PNPLA5: variants seen among roughly 807,000 people sequenced by gnomAD.
PNPLA5 encodes the protein patatin-like phospholipase domain-containing protein 5.
A neutral mutation model predicts 49.1 loss-of-function variants in PNPLA5; 44 were observed. The observed-to-expected ratio is 0.90, with a 90% CI of 0.70 to 1.15. PNPLA5 has a LOEUF of 1.15. Ranked by LOEUF, PNPLA5 falls within the 50% of genes most tolerant of loss-of-function variation. The pLI is 0.00. For missense variants in PNPLA5, 603 were observed against 564.0 expected, an observed-to-expected ratio of 1.07 and a Z score of -0.70; for synonymous variants, 243 against 244.4, an observed-to-expected ratio of 0.99 and a Z score of 0.06.
At chr22:43,887,275 C>A (rs2049674871) in intron 5 of PNPLA5, among the ~76,000 whole-genome samples, 2 of 152,268 alleles carry the variant, frequency 1.3e-5, no homozygotes, top group South Asian at 4.1e-4. Flanking sequence ...CTTGCCTACC[C>A]CCAACCCCCA....
At chr22:43,889,235 C>G (rs747314922) in intron 4 of PNPLA5, 94 bp downstream of exon 4, 4 of 1,407,024 alleles carry the variant, frequency 2.8e-6, no homozygotes, top group East Asian at 2.3e-5. Context: ...CCTTCAGGCT[C>G]GGGGGGCAGT....
chr22:43,883,341 T>C (rs1211280332), intron 7 of PNPLA5, among the ~76,000 whole-genome samples: 1 of 152,238 alleles, frequency 6.6e-6, no homozygotes, highest in Non-Finnish European at 1.5e-5. Context: ...GGCCAGGAGC[T>C]GGGTCTGCGT....
intron 6 of PNPLA5, among the ~76,000 whole-genome samples, chr22:43,885,397 G>C (rs1157174260): frequency 1.3e-5 from 1 of 78,266 alleles, no homozygotes; most frequent in African/African-American, 5.1e-5. Flanking sequence ...TTCCCACCCA[G>C]CTGGGTCCAC....
At chr22:43,886,145 G>A (rs2049661573) in intron 6 of PNPLA5, among the ~76,000 whole-genome samples, 158 bp downstream of exon 6, 1 of 152,192 alleles carries the variant, frequency 6.6e-6, no homozygotes, top group African/African-American at 2.4e-5. Flanking sequence ...GATGCCACAT[G>A]TGAAAAGCCC....
Position 43,891,045 on chromosome 22 carries a change from C to A in PNPLA5, c.426+17G>T. 1 of 1,597,266 alleles carries A rather than the reference C, an allele frequency of 6.3e-7. No individual in the cohort carries two copies. The highest frequency in any genetic ancestry group is 8.5e-7 in the Non-Finnish European group (1 of 1,173,648). Reference sequence around the variant, plus strand: ...GCCCGCCCACCAGCCAAGCCCTGGGCACCCCCCGCCCCACACCTGGATGAG... The same window carrying A: ...GCCCGCCCACCAGCCAAGCCCTGGGAACCCCCCGCCCCACACCTGGATGAG... On this transcript the variant is annotated intron_variant, in intron 2 of 8. Transcript: ENST00000216177.
intron 6 of PNPLA5, among the ~76,000 whole-genome samples, chr22:43,885,863 C>T (rs1462501211): frequency 6.6e-6 from 1 of 152,204 alleles, no homozygotes; most frequent in African/African-American, 2.4e-5. Flanking sequence ...GTACTATCCT[C>T]AGATGGTTGT....
intron 2 of PNPLA5, among the ~76,000 whole-genome samples, chr22:43,890,799 A>G (rs563521706): frequency 7.9e-5 from 12 of 152,292 alleles, no homozygotes; most frequent in African/African-American, 2.9e-4. Flanking sequence ...CTCTGGAAAG[A>G]GCAGTCCCTG....
chr22:43,890,163 T>A, intron 2 of PNPLA5: 1 of 769,662 alleles, frequency 1.3e-6, no homozygotes, highest in Non-Finnish European at 1.6e-6. Flanking sequence ...CTTGCCTGTG[T>A]AGCAGTTGGG....
At chr22:43,881,313 G>T (rs952569138) in intron 8 of PNPLA5, among the ~76,000 whole-genome samples, 7 of 152,226 alleles carry the variant, frequency 4.6e-5, no homozygotes, top group African/African-American at 1.7e-4. Flanking sequence ...GGGTGGCCCA[G>T]TGACTGCACC....
At chr22:43,890,950 C>G (rs2049716069) in intron 2 of PNPLA5, 112 bp downstream of exon 2, 1 of 1,371,938 alleles carries the variant, frequency 7.3e-7, no homozygotes, top group African/African-American at 1.4e-5. Context: ...GTCCACCCGC[C>G]CTCCCTCCTT....
chr22:43,891,102 A>G lies in PNPLA5; in HGVS notation c.386T>C (p.Phe129Ser), dbSNP rs1300297022. The change falls in exon 2 of 9, where the codon TTC becomes TCC. Residue 129 changes from phenylalanine (F) to serine (S), a missense_variant. Transcript: ENST00000216177. ...GCAGGTGGCGAAGTCAGTGACCAAG[A>G]AGTTGCGTCCGTCAGGCCAGCGGGT... ...SLTRWPDGRN[F>S]LVTDFATCDE... The G allele has an allele frequency of 4.3e-6, 7 of 1,610,694 alleles. No individual in the cohort carries two copies. The highest frequency in any genetic ancestry group is 1.3e-5 in the African/African-American group (1 of 74,890).
At position 43,887,577 on chromosome 22, in the gene PNPLA5, G is replaced by A. The variant is rs1164608079; in HGVS notation, c.763+14C>T. On this transcript the variant is annotated intron_variant, in intron 5 of 8. Coordinates refer to ENST00000216177, the MANE Select transcript of PNPLA5 (RefSeq NM_138814.4). ...TGGGACATGATCCCCAGCCACTGTG[G>A]GACTGCCACCTACCACGTCTCTCCA... 2 of 1,609,358 alleles carry A rather than the reference G, an allele frequency of 1.2e-6. No individual in the cohort carries two copies. Among genetic ancestry groups the A allele is most frequent in the Admixed American group, 1.7e-5 (1 of 59,552 alleles).
chr22:43,883,900 G>A (rs2049635136), intron 7 of PNPLA5, among the ~76,000 whole-genome samples: 1 of 152,094 alleles, frequency 6.6e-6, no homozygotes, highest in Admixed American at 6.5e-5. Context: ...CAGCCACACA[G>A]CCAACCTGAG....
intron 2 of PNPLA5, among the ~76,000 whole-genome samples, chr22:43,890,435 T>A (rs537125209): frequency 6.6e-6 from 1 of 152,248 alleles, no homozygotes; most frequent in Non-Finnish European, 1.5e-5. Context: ...AGAGACATTT[T>A]TGGTTGTCAC....
At position 43,891,898 on chromosome 22, in the gene PNPLA5, G is replaced by A; in HGVS notation, c.-18C>T. Reference sequence around the variant, plus strand: ...AAGCCCATGGCGGGTGGACCGGGCGGGGTGATCGGGACGAGGAAGGGTCAC... The same window carrying A: ...AAGCCCATGGCGGGTGGACCGGGCGAGGTGATCGGGACGAGGAAGGGTCAC... On this transcript the variant is annotated 5_prime_UTR_variant, in exon 1 of 9. Transcript: ENST00000216177. 6.6e-7 allele frequency: 1 copy of A among 1,506,646 alleles called. No homozygotes were observed. The highest frequency in any genetic ancestry group is 1.4e-5 in the African/African-American group (1 of 69,344). 93.3% of individuals were successfully genotyped at this position (1,506,646 alleles called of 1,614,324 possible). A position where few individuals can be genotyped will look rare whatever the true frequency, so the allele number is the denominator to read the frequency against.
chr22:43,882,027 G>A (rs2049615824), intron 7 of PNPLA5, among the ~76,000 whole-genome samples: 2 of 152,182 alleles, frequency 1.3e-5, no homozygotes, highest in Non-Finnish European at 2.9e-5. Context: ...TCAGCTGGGT[G>A]ACCTGCACAG....
intron 6 of PNPLA5, 165 bp from the exon 7 acceptor site, chr22:43,884,510 T>A: frequency 1.5e-6 from 1 of 677,162 alleles, no homozygotes; most frequent in Non-Finnish European, 1.8e-6. Context: ...AGCTCTGCGC[T>A]CATCGTTGTC....
Position 43,879,985 on chromosome 22 carries a change from A to G in PNPLA5, c.*810T>C, listed in dbSNP as rs1370073525. 5 of 158,414 alleles carry G rather than the reference A, an allele frequency of 3.2e-5. No homozygotes were observed. The highest frequency in any genetic ancestry group is 6.5e-5 in the Admixed American group (1 of 15,436). The allele number at this position is 158,414 out of a possible 1,614,324, so 9.8% of individuals were successfully genotyped here. On this transcript the variant is annotated 3_prime_UTR_variant, in exon 9 of 9. Coordinates refer to ENST00000216177, the MANE Select transcript of PNPLA5 (RefSeq NM_138814.4). ...ACGCCTCCATCTCTCTAACCTCCCC[A>G]TCTCCACTGAGGCTGAGCATTTCCT...
At chr22:43,885,624 C>T (rs2049656343) in intron 6 of PNPLA5, among the ~76,000 whole-genome samples, 1 of 152,132 alleles carries the variant, frequency 6.6e-6, no homozygotes, top group Non-Finnish European at 1.5e-5. Context: ...TCTTTTCCAG[C>T]TTCACTTAGA....
Sources: gnomAD v4.1 joint callset for allele counts (sites outside exome capture counted in the v4.1 genomes callset) on GRCh38, gnomAD v4.1.1 for gene constraint, MANE v1.5 for transcripts, NCBI Gene and HGNC (gene_info 2026-07-23, HGNC 2026-07-21) for gene names.